AOPEP: variants seen among roughly 807,000 people sequenced by gnomAD.
AOPEP encodes the protein aminopeptidase O.
Under a neutral mutation model 98.1 loss-of-function variants are expected in AOPEP, and 77 were observed. The ratio of observed to expected loss-of-function variants is 0.78; its 90% confidence interval spans 0.65 to 0.95. AOPEP has a LOEUF of 0.95. Ranked by LOEUF, AOPEP falls within the 40% of genes least tolerant of loss-of-function variation. The pLI is 0.00. For synonymous variants in AOPEP, 346 were observed against 365.3 expected, an observed-to-expected ratio of 0.95 and a Z score of 0.60; for missense variants, 1,024 against 1,024.7, an observed-to-expected ratio of 1.00 and a Z score of 0.01.
At chr9:94,729,744 A>C (rs1262425636) in intron 1 of AOPEP, among the ~76,000 whole-genome samples, 1 of 152,174 alleles carries the variant, frequency 6.6e-6, no homozygotes, top group African/African-American at 2.4e-5. Context: ...CCAGTGTGAT[A>C]ATCAAAAATG....
At chr9:95,006,801 T>A (rs2062057527) in intron 13 of AOPEP, among the ~76,000 whole-genome samples, 1 of 152,172 alleles carries the variant, frequency 6.6e-6, no homozygotes, top group East Asian at 1.9e-4. Context: ...GGTGTTTTTT[T>A]AAATGTTTGT....
Position 94,760,473 on chromosome 9 carries a change from G to A in AOPEP, c.690G>A (p.Arg230=). Residue 230 remains arginine (R), a synonymous_variant, in exon 2 of 17, where the codon AGG becomes AGA. Coordinates refer to ENST00000375315, the MANE Select transcript of AOPEP (RefSeq NM_001193329.3). ...FDTDTWSLQI[R]KTGAQTATDF... is the part of the protein sequence containing the mutation. ...CTGACACTTGGAGCTTGCAGATAAG[G>A]AAGACAGGGGCTCAGACAGCTACTG... The A allele has an allele frequency of 2.5e-6, 4 of 1,613,466 alleles. No homozygotes were observed. The highest frequency in any genetic ancestry group is 3.4e-6 in the Non-Finnish European group (4 of 1,179,798).
At chr9:94,971,528 C>G (rs898439928) in intron 10 of AOPEP, among the ~76,000 whole-genome samples, 5 of 152,168 alleles carry the variant, frequency 3.3e-5, no homozygotes, top group African/African-American at 1.2e-4. Context: ...ACACCTACCC[C>G]CCGGAGCCTC....
At chr9:94,895,239 T>TAAAAAAA (rs60422899) in intron 5 of AOPEP, among the ~76,000 whole-genome samples, 2 of 116,246 alleles carry the variant, frequency 1.7e-5, no homozygotes, top group Non-Finnish European at 4.0e-5. Flanking sequence ...TAAAATAAAA[T>TAAAAAAA]AAAAAAAAAA....
chr9:94,827,201 G>A (rs1335731446), intron 5 of AOPEP, among the ~76,000 whole-genome samples: 1 of 152,076 alleles, frequency 6.6e-6, no homozygotes, highest in East Asian at 1.9e-4. Context: ...GTAGAGAGAT[G>A]GTGGTATTTC....
chr9:95,069,732 T>TTGACCCTCACCATGA (rs2068285598), intron 14 of AOPEP, among the ~76,000 whole-genome samples: 1 of 152,272 alleles, frequency 6.6e-6, no homozygotes, highest in South Asian at 2.1e-4. Context: ...GTCATCACAC[T>TTGACCCTCACCATGA]TGACCCTCAC....
At chr9:94,786,275 G>A (rs1007313945) in intron 3 of AOPEP, among the ~76,000 whole-genome samples, 3 of 152,170 alleles carry the variant, frequency 2.0e-5, no homozygotes, top group Non-Finnish European at 2.9e-5. Context: ...TAATTCTCTT[G>A]TTATACATGA....
At chr9:95,131,242 T>C in the AOPEP span, among the ~76,000 whole-genome samples, 1 of 152,214 alleles carries the variant, frequency 6.6e-6, no homozygotes, top group Non-Finnish European at 1.5e-5. Context: ...ACACAGAGGA[T>C]CCCCAGCACC....
At chr9:94,778,800 G>A (rs1324346546) in intron 3 of AOPEP, among the ~76,000 whole-genome samples, 2 of 152,056 alleles carry the variant, frequency 1.3e-5, no homozygotes, top group Non-Finnish European at 2.9e-5. Flanking sequence ...GGCCAAGATG[G>A]GCGGATCACT....
intron 3 of AOPEP, among the ~76,000 whole-genome samples, chr9:94,782,748 A>G (rs548986126): frequency 3.7e-4 from 57 of 152,320 alleles, no homozygotes; most frequent in African/African-American, 1.3e-3. Context: ...ATACATTCCT[A>G]TGTTTTTAAG....
intron 10 of AOPEP, among the ~76,000 whole-genome samples, chr9:94,968,572 T>A (rs1246467766): frequency 6.6e-6 from 1 of 152,176 alleles, no homozygotes; most frequent in African/African-American, 2.4e-5. Context: ...AGTTGGGGTT[T>A]CGCCATGTTG....
At chr9:95,123,925 A>T in the AOPEP span, 6 of 397,814 alleles carry the variant, frequency 1.5e-5, no homozygotes, top group Non-Finnish European at 2.9e-5. Flanking sequence ...AATAAAATGG[A>T]AATTGTACTT....
intron 1 of AOPEP, among the ~76,000 whole-genome samples, chr9:94,742,430 TATTA>T (rs1833350995): frequency 1.3e-5 from 2 of 152,154 alleles, no homozygotes; most frequent in South Asian, 4.1e-4. Flanking sequence ...GAAATGTTTA[TATTA>T]ATTCTTTTTT....
At position 94,851,001 on chromosome 9, in the gene AOPEP, G is replaced by T. The variant is rs980893570; in HGVS notation, c.1364+49999G>T. Among the ~76,000 whole-genome samples the T allele has an allele frequency of 9.8e-5, 15 of 152,298 alleles. No individual in the cohort carries two copies. The East Asian group carries it at 2.9e-3, about 29-fold the overall frequency. Reference sequence around the variant, plus strand: ...TGACCTGATCACATCTAGCAATGTGGCAGCAATCTGGTACCAGCCTGGGGA... The same window carrying T: ...TGACCTGATCACATCTAGCAATGTGTCAGCAATCTGGTACCAGCCTGGGGA... On this transcript the variant is annotated intron_variant, in intron 5 of 16. Coordinates refer to ENST00000375315, the MANE Select transcript of AOPEP (RefSeq NM_001193329.3).
At position 94,928,502 on chromosome 9, in the gene AOPEP, A is replaced by G. The variant is rs750854535; in HGVS notation, c.1632A>G (p.Gln544=). The G allele has an allele frequency of 1.1e-5, 17 of 1,550,832 alleles. No homozygotes were observed. Among genetic ancestry groups the G allele is most frequent in the South Asian group, 1.1e-4 (9 of 84,056 alleles). The change falls in exon 7 of 17, where the codon CAA becomes CAG. Residue 544 remains glutamine (Q), a synonymous_variant. Transcript: ENST00000375315. ...GGCGTCGCCTCCAGGACGAGATGCA[A>G]TGCTCCCCCGAGGAGATGCAGGTGT... ...LRWRRLQDEM[Q]CSPEEMQVLR...
intron 14 of AOPEP, 57 bp from the exon 15 acceptor site, chr9:95,080,637 G>C (rs999670543): frequency 2.0e-5 from 26 of 1,300,694 alleles, no homozygotes; most frequent in Middle Eastern, 2.1e-4. Flanking sequence ...CACTGGGCCC[G>C]GTGGGCTGGG....
chr9:95,131,471 G>C, the AOPEP span, among the ~76,000 whole-genome samples: 5 of 152,146 alleles, frequency 3.3e-5, no homozygotes, highest in African/African-American at 1.2e-4. Flanking sequence ...CAATTCCATT[G>C]CAAGGAAACT....
chr9:94,878,746 T>C (rs2047251891), intron 5 of AOPEP, among the ~76,000 whole-genome samples: 1 of 152,178 alleles, frequency 6.6e-6, no homozygotes, highest in South Asian at 2.1e-4. Context: ...CCCAATTGGC[T>C]CAGCTAACTT....
chr9:94,971,319 A>C (rs2059522925), intron 10 of AOPEP, among the ~76,000 whole-genome samples: 1 of 152,194 alleles, frequency 6.6e-6, no homozygotes, highest in African/African-American at 2.4e-5. Context: ...TCTTTTTAAA[A>C]AAATCTCCTT....
Sources: allele counts gnomAD v4.1 joint callset (sites outside exome capture counted in the v4.1 genomes callset), GRCh38; gene constraint gnomAD v4.1.1; transcripts MANE v1.5; gene names NCBI Gene and HGNC (gene_info 2026-07-23, HGNC 2026-07-21).